Variants in PRKN observed in about 807,000 individuals in gnomAD.
PRKN encodes E3 ubiquitin-protein ligase parkin.
Under a neutral mutation model 59.5 loss-of-function variants are expected in PRKN, and 56 were observed. That is an observed-to-expected ratio of 0.94 (90% CI 0.76 to 1.18). The LOEUF is 1.18. Ranked by LOEUF, PRKN falls within the 50% of genes most tolerant of loss-of-function variation. The pLI is 0.00. For synonymous variants in PRKN, 250 were observed against 222.1 expected (o/e 1.13, Z -1.12); for missense variants, 657 against 596.4 (o/e 1.10, Z -1.06).
At chr6:161,662,675 TCC>T (rs1784589930) in intron 7 of PRKN, among the ~76,000 whole-genome samples, 2 of 151,914 alleles carry the variant, frequency 1.3e-5, no homozygotes, top group African/African-American at 4.8e-5. Context: ...TGTCTTTGTT[TCC>T]TTCTCTGTAA....
chr6:162,444,524 A>G lies in PRKN; in HGVS notation c.8-1051T>C, dbSNP rs74934592. Among the ~76,000 whole-genome samples, 511 of 151,806 alleles carry G rather than the reference A, an allele frequency of 3.4e-3. 7 individuals carry two copies. Among genetic ancestry groups the G allele is most frequent in the South Asian group, 0.024 (117 of 4,794 alleles). On this transcript the variant is annotated intron_variant, in intron 1 of 11. Transcript: ENST00000366898. ...AAATCACAAAAAACTGCTGCACACA[A>G]CTTCTTGCTTTTATTCATGACCTCC...
intron 5 of PRKN, among the ~76,000 whole-genome samples, chr6:162,007,226 G>C (rs1394641266): frequency 6.6e-6 from 1 of 152,166 alleles, no homozygotes; most frequent in East Asian, 1.9e-4. Flanking sequence ...AGTGCAGTGA[G>C]TGGTCATGTT....
In PRKN at chr6:161,397,591, A is replaced by G. The variant is rs1786821428; in HGVS notation, c.1084-10714T>C. Among the ~76,000 whole-genome samples, 1 of 152,150 alleles carries G rather than the reference A, an allele frequency of 6.6e-6. No homozygotes were observed. The highest frequency in any genetic ancestry group is 1.5e-5 in the Non-Finnish European group (1 of 68,036). ...TTGCCTATTGCATATTTCCATTTGG[A>G]TAGGTTGCAGTCACCTCAAATTCAA... is the stretch of plus-strand genomic sequence containing the variant. On this transcript the variant is annotated intron_variant, in intron 9 of 11. Coordinates refer to ENST00000366898, the MANE Select transcript of PRKN (RefSeq NM_004562.3). This position sits in a 1 kb window ranked among gnomAD's most constrained non-coding sequence, Gnocchi z 4.2.
intron 7 of PRKN, among the ~76,000 whole-genome samples, chr6:161,706,008 C>G (rs1056379374): frequency 6.6e-6 from 1 of 151,968 alleles, no homozygotes; most frequent in Non-Finnish European, 1.5e-5. Flanking sequence ...GTCCTTCTAG[C>G]CTTGCTTCCA....
intron 6 of PRKN, among the ~76,000 whole-genome samples, chr6:161,958,531 G>T (rs1780266664): frequency 6.6e-6 from 1 of 152,064 alleles, no homozygotes; most frequent in South Asian, 2.1e-4. Flanking sequence ...TTAAAACTCT[G>T]TTTTTTCTTT....
chr6:162,462,945 T>G (rs1199043672), intron 1 of PRKN, among the ~76,000 whole-genome samples: 1 of 151,938 alleles, frequency 6.6e-6, no homozygotes, highest in Admixed American at 6.6e-5. Flanking sequence ...AATACAAAAC[T>G]TAGCTGGGTG....
Position 161,592,866 on chromosome 6 carries a change from G to A in PRKN, c.872-23450C>T, listed in dbSNP as rs1466210146. ...GGTCACCGCAGGACCTGAAGGAAAT[G>A]ACTCCTGGCCAGGGGCCAGATCGTG... is the stretch of plus-strand genomic sequence containing the variant. On this transcript the variant is annotated intron_variant, in intron 7 of 11. Transcript: ENST00000366898. The surrounding 1 kb of genome is among the most constrained non-coding windows in gnomAD (Gnocchi z 4.8). 1.3e-5 allele frequency among the ~76,000 whole-genome samples: 2 copies of A among 152,200 alleles called. No homozygotes were observed. Among genetic ancestry groups the A allele is most frequent in the Non-Finnish European group, 2.9e-5 (2 of 68,034 alleles).
At chr6:162,071,816 C>T (rs1485295751) in intron 4 of PRKN, among the ~76,000 whole-genome samples, 4 of 151,880 alleles carry the variant, frequency 2.6e-5, no homozygotes, top group Non-Finnish European at 4.4e-5. Context: ...AGCCTGGTCT[C>T]GAACTCCTGA....
At chr6:161,772,018 GTGTGTGTGTA>G (rs1390907695) in intron 7 of PRKN, among the ~76,000 whole-genome samples, 50 of 152,208 alleles carry the variant, frequency 3.3e-4, no homozygotes, top group Admixed American at 2.7e-3. Context: ...GTTACCGAAT[GTGTGTGTGTA>G]TGTGTGTGTG....
chr6:162,439,675 C>T (rs933660043), intron 2 of PRKN, among the ~76,000 whole-genome samples: 2 of 136,582 alleles, frequency 1.5e-5, no homozygotes, highest in South Asian at 2.2e-4. Context: ...GTGAGACTAA[C>T]TCCCCCTCTT....
At chr6:162,219,734 T>C (rs1217901097) in intron 3 of PRKN, among the ~76,000 whole-genome samples, 1 of 152,140 alleles carries the variant, frequency 6.6e-6, no homozygotes, top group East Asian at 1.9e-4. Flanking sequence ...GATTCTTCGG[T>C]CCATGAGTAA....
intron 1 of PRKN, among the ~76,000 whole-genome samples, chr6:162,563,947 A>G (rs750976857): frequency 2.6e-5 from 4 of 151,928 alleles, no homozygotes; most frequent in Non-Finnish European, 5.9e-5. Context: ...AGTAAGCTTG[A>G]ATACAGACTA....
At chr6:162,476,116 G>T (rs1792001794) in intron 1 of PRKN, among the ~76,000 whole-genome samples, 1 of 139,142 alleles carries the variant, frequency 7.2e-6, no homozygotes, top group Non-Finnish European at 1.5e-5. Context: ...GGAGTGCAAT[G>T]GCACGATCTC....
intron 7 of PRKN, among the ~76,000 whole-genome samples, chr6:161,606,744 T>C (rs959754637): frequency 3.3e-5 from 5 of 152,114 alleles, no homozygotes; most frequent in Non-Finnish European, 7.4e-5. Flanking sequence ...GACTGGAGGA[T>C]CCAGGTCCCT....
intron 2 of PRKN, 80 bp downstream of exon 2, chr6:162,443,230 T>A: frequency 7.0e-7 from 1 of 1,420,234 alleles, no homozygotes; most frequent in Non-Finnish European, 9.9e-7. Flanking sequence ...ATCTCAGGCA[T>A]GAATGTCAGA....
intron 1 of PRKN, among the ~76,000 whole-genome samples, chr6:162,486,927 G>A (rs1414590317): frequency 4.6e-5 from 7 of 152,072 alleles, no homozygotes; most frequent in African/African-American, 7.2e-5. Flanking sequence ...AAAATTAGCC[G>A]GGCGTGGTAG....
At position 162,586,829 on chromosome 6, in the gene PRKN, C is replaced by T. The variant is rs142147431; in HGVS notation, c.7+140833G>A. ...AAGATATATGAACTGTTAAAGCTTG[C>T]AATTAAGACACTTGTTCTTGATTAT... On this transcript the variant is annotated intron_variant, in intron 1 of 11. Transcript: ENST00000366898. 5.3e-5 allele frequency among the ~76,000 whole-genome samples: 8 copies of T among 152,240 alleles called. No homozygotes were observed. In the East Asian group the frequency reaches 1.4e-3, roughly 26 times the overall value.
At chr6:162,656,990 C>T (rs1247956840) in intron 1 of PRKN, among the ~76,000 whole-genome samples, 2 of 152,226 alleles carry the variant, frequency 1.3e-5, no homozygotes, top group Non-Finnish European at 2.9e-5. Flanking sequence ...AGGACTTCTA[C>T]TTTACAGATG....
intron 9 of PRKN, among the ~76,000 whole-genome samples, chr6:161,434,135 T>G (rs1788775934): frequency 6.6e-6 from 1 of 152,164 alleles, no homozygotes; most frequent in South Asian, 2.1e-4. Context: ...GTTTTCAAAA[T>G]TTTGTATGTG....
Sources: gnomAD v4.1 joint callset for allele counts (sites outside exome capture counted in the v4.1 genomes callset) on GRCh38, gnomAD v4.1.1 for gene constraint, Gnocchi (gnomAD v3.1) non-coding constraint, MANE v1.5 for transcripts, NCBI Gene and HGNC (gene_info 2026-07-23, HGNC 2026-07-21) for gene names.